Variants in EPB41 observed in about 807,000 individuals in gnomAD.
EPB41 encodes erythrocyte membrane protein band 4.1, also known as protein 4.1.
Under a neutral mutation model 108.0 loss-of-function variants are expected in EPB41, and 65 were observed. The ratio of observed to expected loss-of-function variants is 0.60; its 90% CI spans 0.49 to 0.74. The LOEUF (loss-of-function observed/expected upper bound fraction) is 0.74. Ranked by LOEUF, EPB41 falls within the 30% of genes least tolerant of loss-of-function variation. The probability of loss-of-function intolerance (pLI) is 0.00; values close to 1 mark genes in which losing one functional copy is unlikely to be tolerated. For missense variants in EPB41, 875 were observed against 1,037.0 expected (o/e 0.84, Z 2.15); for synonymous variants, 336 against 358.9 (o/e 0.94, Z 0.72).
intron 11 of EPB41, chr1:29,041,444 T>G (rs1456407260): frequency 6.6e-6 from 1 of 152,130 alleles, no homozygotes; most frequent in East Asian, 1.9e-4. Flanking sequence ...GGCACCTCTG[T>G]ACTCCAGCCT....
intron 1 of EPB41, among the ~76,000 whole-genome samples, chr1:28,906,780 CTTTTTTTT>C (rs780439196): frequency 6.9e-6 from 1 of 143,962 alleles, no homozygotes; most frequent in African/African-American, 2.6e-5. Context: ...CTTTTTTTTT[CTTTTTTTT>C]TTTTTGAGAC....
intron 1 of EPB41, among the ~76,000 whole-genome samples, chr1:28,925,963 C>A (rs1364921684): frequency 6.6e-6 from 1 of 152,022 alleles, no homozygotes; most frequent in Non-Finnish European, 1.5e-5. Context: ...CCTGTAATCC[C>A]AGCATTTTGG....
At chr1:28,905,906 C>T (rs1170724870) in intron 1 of EPB41, among the ~76,000 whole-genome samples, 1 of 151,438 alleles carries the variant, frequency 6.6e-6, no homozygotes, top group Non-Finnish European at 1.5e-5. Flanking sequence ...AAACCTCTGC[C>T]TCCCAGGTTC....
intron 9 of EPB41, among the ~76,000 whole-genome samples, chr1:29,033,528 G>A (rs1451201722): frequency 6.6e-6 from 1 of 152,040 alleles, no homozygotes; most frequent in East Asian, 1.9e-4. Context: ...AAAACTTAAT[G>A]GAAAAATATT....
chr1:28,947,411 AAAC>A (rs2094526955), intron 1 of EPB41, among the ~76,000 whole-genome samples: 1 of 5,574 alleles, frequency 1.8e-4, no homozygotes, highest in African/African-American at 1.2e-3. Flanking sequence ...CGTCTCAGAC[AAAC>A]AAACAAACAA....
intron 4 of EPB41, among the ~76,000 whole-genome samples, chr1:29,011,371 A>C (rs80215520): frequency 6.9e-6 from 1 of 144,186 alleles, no homozygotes; most frequent in Non-Finnish European, 1.5e-5. Flanking sequence ...TCTCAAAAAG[A>C]AAAAAAAAAA....
At chr1:29,087,592 C>T (rs911424946) in intron 16 of EPB41, among the ~76,000 whole-genome samples, 1 of 150,830 alleles carries the variant, frequency 6.6e-6, no homozygotes. Context: ...GAACTCCCAA[C>T]CTCCGATGAT....
chr1:29,055,930 CAAAAAAAAAAAA>C lies in EPB41; in HGVS notation c.1845+2630_1846-2636del, dbSNP rs35702090. ...CCTGGGCAACAGAGCAAGACTGTCT[CAAAAAAAAAAAA>C]AAAAAAAAAAAGGGCCGGGCGCGGT... On this transcript the variant is annotated intron_variant, in intron 12 of 20. Coordinates refer to ENST00000343067, the MANE Select transcript of EPB41 (RefSeq NM_001376013.1). Among the ~76,000 whole-genome samples, 12 of 59,390 alleles carry C rather than the reference CAAAAAAAAAAAA, an allele frequency of 2.0e-4. 1 individual carries two copies. The highest frequency in any genetic ancestry group is 8.9e-4 in the African/African-American group (11 of 12,316). 39.0% of individuals were successfully genotyped at this position (59,390 alleles called of 152,430 possible). A position where few individuals can be genotyped will look rare whatever the true frequency, so the allele number is the denominator to read the frequency against.
At chr1:29,039,147 C>G (rs1572893472) in intron 10 of EPB41, 107 bp from the exon 11 acceptor site, 3 of 1,262,890 alleles carry the variant, frequency 2.4e-6, no homozygotes, top group Non-Finnish European at 3.3e-6. Context: ...ATATGGAAAC[C>G]CTGAGAATTG....
intron 16 of EPB41, among the ~76,000 whole-genome samples, chr1:29,084,039 T>C (rs1657811976): frequency 6.6e-6 from 1 of 152,082 alleles, no homozygotes; most frequent in Non-Finnish European, 1.5e-5. Context: ...TCTTCTTCTG[T>C]GCTTAGCAAG....
At chr1:28,936,560 A>AT (rs1177756217) in intron 1 of EPB41, among the ~76,000 whole-genome samples, 1 of 152,104 alleles carries the variant, frequency 6.6e-6, no homozygotes, top group Non-Finnish European at 1.5e-5. Flanking sequence ...ACATTTCCCC[A>AT]TCCCCCCAGA....
intron 16 of EPB41, among the ~76,000 whole-genome samples, chr1:29,067,229 G>A (rs1489186830): frequency 6.6e-6 from 1 of 151,392 alleles, no homozygotes; most frequent in African/African-American, 2.4e-5. Context: ...CAGGCACGGT[G>A]GCTCACGCCT....
At chr1:29,035,352 A>C (rs1639066768) in intron 9 of EPB41, among the ~76,000 whole-genome samples, 1 of 152,166 alleles carries the variant, frequency 6.6e-6, no homozygotes, top group South Asian at 2.1e-4. Context: ...CAATTTAAAA[A>C]ATTGATTTAA....
intron 4 of EPB41, among the ~76,000 whole-genome samples, chr1:29,010,171 T>C (rs1488672664): frequency 1.3e-5 from 2 of 152,140 alleles, no homozygotes; most frequent in African/African-American, 4.8e-5. Context: ...ACCCCATCTC[T>C]ACTAAAAATA....
intron 1 of EPB41, chr1:28,982,694 A>G: frequency 1.6e-6 from 1 of 640,460 alleles, no homozygotes; most frequent in Non-Finnish European, 2.8e-6. Flanking sequence ...TTGTCGTGGT[A>G]TTTCAGATGA....
intron 4 of EPB41, among the ~76,000 whole-genome samples, chr1:29,004,632 G>A (rs1253518603): frequency 6.6e-6 from 1 of 152,202 alleles, no homozygotes; most frequent in African/African-American, 2.4e-5. Flanking sequence ...TAGGGAGGCT[G>A]CATTTGTTAT....
intron 5 of EPB41, among the ~76,000 whole-genome samples, chr1:29,012,344 TTTATGGTTGTTTTCA>T (rs2096517008): frequency 6.6e-6 from 1 of 152,178 alleles, no homozygotes; most frequent in Non-Finnish European, 1.5e-5. Context: ...TGTTTTCCTC[TTTATGGTTGTTTTCA>T]TCCCTTTTAA....
intron 16 of EPB41, among the ~76,000 whole-genome samples, chr1:29,085,450 C>T (rs1401538116): frequency 6.6e-6 from 1 of 151,806 alleles, no homozygotes; most frequent in Admixed American, 6.6e-5. Context: ...TGGCCAAAAA[C>T]CACATTTTAA....
intron 16 of EPB41, chr1:29,072,515 C>G (rs1651937708): frequency 2.6e-5 from 4 of 152,108 alleles, no homozygotes; most frequent in Non-Finnish European, 2.9e-5. Context: ...AAACTTCACC[C>G]TGAATTTTAT....
Sources: allele counts gnomAD v4.1 joint callset (sites outside exome capture counted in the v4.1 genomes callset), GRCh38; gene constraint gnomAD v4.1.1; transcripts MANE v1.5; gene names NCBI Gene and HGNC (gene_info 2026-07-23, HGNC 2026-07-21).